The following RERE variants were observed in gnomAD, a reference collection of about 807,000 sequenced individuals.
RERE encodes the protein arginine-glutamic acid dipeptide repeats protein.
In RERE, 40 loss-of-function variants were observed where a neutral mutation model predicts 146.1. The ratio of observed to expected loss-of-function variants is 0.27; its 90% CI spans 0.21 to 0.36. The LOEUF is 0.36. RERE is among the 10% of genes least tolerant of loss of function. RERE has a pLI of 1.00. For missense variants in RERE, 1,933 were observed against 2,138.7 expected (o/e 0.90, Z 1.90); for synonymous variants, 1,003 against 866.0 (o/e 1.16, Z -2.78).
intron 1 of RERE, among the ~76,000 whole-genome samples, chr1:8,771,169 A>T (rs753384762): frequency 6.6e-6 from 1 of 152,212 alleles, no homozygotes; most frequent in Non-Finnish European, 1.5e-5. Context: ...ATATAGCATA[A>T]ATGTTTTTTA....
chr1:8,508,579 T>A (rs1300290631), intron 8 of RERE, 48 bp downstream of exon 8: 1 of 1,365,050 alleles, frequency 7.3e-7, no homozygotes, highest in South Asian at 1.2e-5. Context: ...GCCAGCAGAG[T>A]AATAAGAAAC....
intron 8 of RERE, 45 bp from the exon 9 acceptor site, chr1:8,497,574 T>C: frequency 6.2e-7 from 1 of 1,607,592 alleles, no homozygotes; most frequent in South Asian, 1.1e-5. Flanking sequence ...CATGTATTAA[T>C]TATAAAGAGC....
chr1:8,676,472 T>TA (rs368593389), intron 1 of RERE, among the ~76,000 whole-genome samples: 2,331 of 145,694 alleles, frequency 0.016, 54 homozygotes, highest in African/African-American at 0.055. Context: ...TTTTTTACAC[T>TA]AAAAAAAAAA....
At chr1:8,383,179 C>T (rs1323382284) in intron 12 of RERE, among the ~76,000 whole-genome samples, 2 of 151,778 alleles carry the variant, frequency 1.3e-5, no homozygotes, top group Admixed American at 6.6e-5. Context: ...GAAAGATAAG[C>T]GCTGGTCAAG....
intron 11 of RERE, chr1:8,424,249 C>G (rs936620234): frequency 5.9e-5 from 9 of 152,238 alleles, no homozygotes; most frequent in Non-Finnish European, 1.3e-4. Flanking sequence ...CTGCACTTCC[C>G]CGGCCGCCGC....
chr1:8,436,990 A>G (rs1462576457), intron 11 of RERE, among the ~76,000 whole-genome samples: 1 of 152,216 alleles, frequency 6.6e-6, no homozygotes, highest in Non-Finnish European at 1.5e-5. Flanking sequence ...AAGCACTCCA[A>G]GTTTTCTATT....
chr1:8,781,041 G>C (rs1641154828), intron 1 of RERE, among the ~76,000 whole-genome samples: 1 of 151,832 alleles, frequency 6.6e-6, no homozygotes, highest in African/African-American at 2.4e-5. Flanking sequence ...GGGCAACATA[G>C]GGAGACCTTG....
intron 12 of RERE, among the ~76,000 whole-genome samples, chr1:8,401,052 T>TATATATATATATACACATAC (rs1643246468): frequency 9.0e-6 from 1 of 110,846 alleles, no homozygotes; most frequent in African/African-American, 3.6e-5. Context: ...TATATATATA[T>TATATATATATATACACATAC]ATATATATAT....
intron 4 of RERE, among the ~76,000 whole-genome samples, chr1:8,576,272 G>C (rs1646293641): frequency 6.6e-6 from 1 of 151,888 alleles, no homozygotes; most frequent in South Asian, 2.1e-4. Context: ...GGCATGGGGT[G>C]GGTTAGATAA....
chr1:8,370,686 G>A (rs958993249), intron 12 of RERE, among the ~76,000 whole-genome samples: 3 of 152,134 alleles, frequency 2.0e-5, no homozygotes, highest in African/African-American at 7.2e-5. Flanking sequence ...AGAACATGTC[G>A]GGGAAAGCTC....
intron 11 of RERE, among the ~76,000 whole-genome samples, chr1:8,442,479 C>G (rs1244914081): frequency 6.6e-6 from 1 of 151,482 alleles, no homozygotes; most frequent in African/African-American, 2.4e-5. Flanking sequence ...ACTTCGTTTT[C>G]TACCATAAGT....
At chr1:8,624,026 C>G (rs1646946071) in intron 3 of RERE, among the ~76,000 whole-genome samples, 1 of 152,188 alleles carries the variant, frequency 6.6e-6, no homozygotes, top group Non-Finnish European at 1.5e-5. Flanking sequence ...AAACAAGCTA[C>G]TTCAGAAATT....
At chr1:8,614,187 A>G (rs951286690) in intron 4 of RERE, among the ~76,000 whole-genome samples, 1 of 152,184 alleles carries the variant, frequency 6.6e-6, no homozygotes, top group African/African-American at 2.4e-5. Context: ...TTGGTGGGCC[A>G]TGAGTCCCAA....
intron 8 of RERE, among the ~76,000 whole-genome samples, chr1:8,497,782 T>C (rs1645064543): frequency 6.6e-6 from 1 of 152,144 alleles, no homozygotes; most frequent in Admixed American, 6.5e-5. Flanking sequence ...AGTGCCAGCA[T>C]GATACCAAGA....
intron 1 of RERE, among the ~76,000 whole-genome samples, chr1:8,694,979 G>GC (rs897400013): frequency 7.3e-6 from 1 of 137,804 alleles, no homozygotes; most frequent in Admixed American, 7.1e-5. Context: ...CCTAAGGGGG[G>GC]GGGGGGAATG....
At chr1:8,657,485 A>G (rs1638349738) in intron 1 of RERE, among the ~76,000 whole-genome samples, 1 of 152,172 alleles carries the variant, frequency 6.6e-6, no homozygotes, top group South Asian at 2.1e-4. Flanking sequence ...TTCCACCTTC[A>G]GTTACATTTT....
chr1:8,384,550 G>A (rs1196903409), intron 12 of RERE, among the ~76,000 whole-genome samples: 1 of 152,216 alleles, frequency 6.6e-6, no homozygotes, highest in African/African-American at 2.4e-5. Context: ...TAACAGCAAA[G>A]GTGAGCGGTT....
chr1:8,395,110 T>G (rs184021691), intron 12 of RERE, among the ~76,000 whole-genome samples: 25 of 152,216 alleles, frequency 1.6e-4, no homozygotes, highest in African/African-American at 5.8e-4. Context: ...AATAAGATAT[T>G]GTATATTCCC....
chr1:8,473,907 T>C (rs1460457760), intron 10 of RERE, among the ~76,000 whole-genome samples: 1 of 152,212 alleles, frequency 6.6e-6, no homozygotes, highest in East Asian at 1.9e-4. Flanking sequence ...CCTAACACTA[T>C]TCAAACAAGA....
Sources: allele counts gnomAD v4.1 joint callset (sites outside exome capture counted in the v4.1 genomes callset), GRCh38; gene constraint gnomAD v4.1.1; transcripts MANE v1.5; gene names NCBI Gene and HGNC (gene_info 2026-07-23, HGNC 2026-07-21).